Variants in SEMA6D observed in about 807,000 individuals in gnomAD.
SEMA6D encodes semaphorin-6D.
Under a neutral mutation model 106.6 loss-of-function variants are expected in SEMA6D, and 35 were observed. The ratio of observed to expected loss-of-function variants is 0.33; its 90% CI spans 0.25 to 0.44. SEMA6D has a LOEUF of 0.44. Among genes scored for constraint, SEMA6D ranks in the 20% least tolerant of loss-of-function variants. The pLI, the probability that SEMA6D is intolerant of heterozygous loss-of-function variation, is 1.00. For synonymous variants in SEMA6D, 499 were observed against 487.7 expected (o/e 1.02, Z -0.31); for missense variants, 1,185 against 1,345.9 (o/e 0.88, Z 1.87).
At chr15:47,623,314 A>G (rs2144269544) in intron 4 of SEMA6D, among the ~76,000 whole-genome samples, 1 of 152,304 alleles carries the variant, frequency 6.6e-6, no homozygotes, top group South Asian at 2.1e-4. Flanking sequence ...ACAACAGTGA[A>G]CATTCATTGA....
intron 1 of SEMA6D, among the ~76,000 whole-genome samples, chr15:47,257,322 T>C (rs971337090): frequency 6.6e-6 from 1 of 152,148 alleles, no homozygotes; most frequent in African/African-American, 2.4e-5. Context: ...CCCCCAAAGT[T>C]CTGGGATTAC....
intron 4 of SEMA6D, among the ~76,000 whole-genome samples, chr15:47,692,341 G>C (rs2078606063): frequency 6.6e-6 from 1 of 152,046 alleles, no homozygotes. Context: ...TTCCTCTACT[G>C]TGAACATATC....
intron 1 of SEMA6D, chr15:47,274,937 A>G (rs1044366258): frequency 2.0e-5 from 3 of 152,244 alleles, no homozygotes; most frequent in African/African-American, 7.2e-5. Flanking sequence ...AAACGAACCT[A>G]TGGATGTGTT....
chr15:47,189,702 T>A (rs1893831812), intron 1 of SEMA6D, among the ~76,000 whole-genome samples: 1 of 152,208 alleles, frequency 6.6e-6, no homozygotes, highest in Non-Finnish European at 1.5e-5. Flanking sequence ...CAGTTAATGT[T>A]AAAATAGCTT....
rs1463052822 is a variant in SEMA6D at position 47,227,602 on chromosome 15, C to G, written c.-239+43184C>G. On this transcript the variant is annotated intron_variant, in intron 1 of 19. Coordinates refer to the SEMA6D transcript ENST00000558014. ...ACACACACACACACACACACAAACA[C>G]ATGCATGCATACATCTTCTTCTAAA... Among the ~76,000 whole-genome samples the G allele has an allele frequency of 2.7e-5, 4 of 146,458 alleles. No homozygotes were observed. The East Asian group carries it at 8.2e-4, about 30-fold the overall frequency.
chr15:47,416,326 G>T (rs1298874997), intron 2 of SEMA6D, among the ~76,000 whole-genome samples: 2 of 152,090 alleles, frequency 1.3e-5, no homozygotes, highest in Non-Finnish European at 2.9e-5. Context: ...CCTGGGTATG[G>T]TCTGTTTTGT....
chr15:47,586,513 A>G (rs2076342959), intron 3 of SEMA6D, among the ~76,000 whole-genome samples: 1 of 152,214 alleles, frequency 6.6e-6, no homozygotes, highest in South Asian at 2.1e-4. Flanking sequence ...ATTGGCTAGG[A>G]AGACCAAATA....
intron 3 of SEMA6D, chr15:47,525,202 G>A (rs1002766466): frequency 5.9e-5 from 9 of 152,190 alleles, no homozygotes; most frequent in African/African-American, 2.2e-4. Flanking sequence ...CAAAGAGATA[G>A]AGAAGATGAA....
intron 2 of SEMA6D, among the ~76,000 whole-genome samples, chr15:47,467,279 G>A (rs529596625): frequency 1.3e-5 from 2 of 152,130 alleles, no homozygotes; most frequent in Admixed American, 6.6e-5. Context: ...AGCATTTATT[G>A]TAATTTATGT....
At chr15:47,414,139 A>G (rs1159033483) in intron 2 of SEMA6D, among the ~76,000 whole-genome samples, 1 of 152,242 alleles carries the variant, frequency 6.6e-6, no homozygotes, top group Non-Finnish European at 1.5e-5. Context: ...AAGTGATGAT[A>G]TAACTTCACA....
chr15:47,646,570 G>C (rs1259795394), intron 4 of SEMA6D, among the ~76,000 whole-genome samples: 1 of 152,184 alleles, frequency 6.6e-6, no homozygotes, highest in Non-Finnish European at 1.5e-5. Flanking sequence ...AGCTGGAAAT[G>C]TTCTGGGGAC....
chr15:47,503,993 A>C (rs573548487), intron 3 of SEMA6D, among the ~76,000 whole-genome samples: 17 of 152,250 alleles, frequency 1.1e-4, no homozygotes, highest in Non-Finnish European at 2.1e-4. Context: ...CTGGTAAAGG[A>C]GACAGAGAAC....
chr15:47,286,877 T>A (rs1302070488), intron 1 of SEMA6D, among the ~76,000 whole-genome samples: 1 of 152,194 alleles, frequency 6.6e-6, no homozygotes, highest in Admixed American at 6.5e-5. Flanking sequence ...ATCTTCTGCA[T>A]GAACCAATGT....
At chr15:47,666,280 G>A (rs1280928583) in intron 4 of SEMA6D, among the ~76,000 whole-genome samples, 2 of 152,220 alleles carry the variant, frequency 1.3e-5, no homozygotes, top group African/African-American at 4.8e-5. Context: ...CCTGTTTCAG[G>A]AAGCTGGGCC....
chr15:47,193,432 A>G (rs1454655788), intron 1 of SEMA6D, among the ~76,000 whole-genome samples: 7 of 152,110 alleles, frequency 4.6e-5, no homozygotes, highest in Non-Finnish European at 1.0e-4. Flanking sequence ...AATATTCCCA[A>G]ATCACCACAA....
At chr15:47,514,577 C>T (rs547669692) in intron 3 of SEMA6D, among the ~76,000 whole-genome samples, 1 of 152,296 alleles carries the variant, frequency 6.6e-6, no homozygotes, top group African/African-American at 2.4e-5. Context: ...TTCTATGACA[C>T]ACAACTTCTG....
intron 1 of SEMA6D, among the ~76,000 whole-genome samples, chr15:47,404,706 A>C (rs1022998706): frequency 7.9e-5 from 12 of 152,322 alleles, no homozygotes; most frequent in African/African-American, 2.2e-4. Context: ...TCAGAGAATG[A>C]TAACAGCTCA....
intron 4 of SEMA6D, among the ~76,000 whole-genome samples, chr15:47,681,267 T>G (rs2078347559): frequency 6.6e-6 from 1 of 152,204 alleles, no homozygotes; most frequent in African/African-American, 2.4e-5. Context: ...TTATTCAGCC[T>G]ACAAGGAAGG....
intron 1 of SEMA6D, among the ~76,000 whole-genome samples, chr15:47,209,000 G>A (rs1200127008): frequency 1.3e-5 from 2 of 152,178 alleles, no homozygotes; most frequent in Non-Finnish European, 2.9e-5. Context: ...TGGACCACAT[G>A]CATAGCTTGT....
Sources: gnomAD v4.1 joint callset for allele counts (sites outside exome capture counted in the v4.1 genomes callset) on GRCh38, gnomAD v4.1.1 for gene constraint, MANE v1.5 for transcripts, NCBI Gene and HGNC (gene_info 2026-07-23, HGNC 2026-07-21) for gene names.